The following PTPRT variants were observed in gnomAD, a reference collection of about 807,000 sequenced individuals.
PTPRT encodes the protein receptor-type tyrosine-protein phosphatase T.
PTPRT carries 56 observed loss-of-function variants against 176.8 expected under a neutral mutation model. The observed-to-expected ratio is 0.32, with a 90% CI of 0.26 to 0.40. The LOEUF is 0.40. Ranked by LOEUF, PTPRT falls within the 10% of genes least tolerant of loss-of-function variation. The pLI, the probability that PTPRT is intolerant of heterozygous loss-of-function variation, is 1.00. For missense variants in PTPRT, 1,540 were observed against 1,908.2 expected, an observed-to-expected ratio of 0.81 and a Z score of 3.60; for synonymous variants, 783 against 739.0, an observed-to-expected ratio of 1.06 and a Z score of -0.96.
intron 8 of PTPRT, among the ~76,000 whole-genome samples, chr20:42,453,151 T>C (rs1459282865): frequency 6.6e-6 from 1 of 152,224 alleles, no homozygotes; most frequent in African/African-American, 2.4e-5. Context: ...TCACTACCCA[T>C]GTATTCTTCC....
At position 42,102,130 on chromosome 20, in the gene PTPRT, C is replaced by T. The variant is rs1022904070; in HGVS notation, c.3708G>A (p.Leu1236=). The T allele has an allele frequency of 6.2e-7, 1 of 1,612,870 alleles. No individual in the cohort carries two copies. The highest frequency in any genetic ancestry group is 8.5e-7 in the Non-Finnish European group (1 of 1,179,128). ...CTGCCCGGGCTCGGCTTACATCCAT[C>T]AGTGCTGCGTTGATGTAATTGCTGG... ...GESSNYINAA[L]MDSHKQPAAF... is the part of the protein sequence containing the mutation. The change falls in exon 26 of 31, where the codon CTG becomes CTA. Residue 1236 remains leucine, a synonymous_variant. Transcript: ENST00000373187.
intron 2 of PTPRT, among the ~76,000 whole-genome samples, chr20:42,841,143 C>T (rs2078270831): frequency 6.6e-6 from 1 of 152,182 alleles, no homozygotes; most frequent in Admixed American, 6.5e-5. Context: ...TATCCCACCC[C>T]ATCCAGCTGC....
At chr20:42,576,219 C>A (rs1235041650) in intron 7 of PTPRT, among the ~76,000 whole-genome samples, 1 of 152,164 alleles carries the variant, frequency 6.6e-6, no homozygotes, top group Non-Finnish European at 1.5e-5. Context: ...TCCACCCTTC[C>A]CTCTCCTCAT....
chr20:43,129,343 G>T (rs1294883052), intron 1 of PTPRT, among the ~76,000 whole-genome samples: 1 of 152,158 alleles, frequency 6.6e-6, no homozygotes, highest in Non-Finnish European at 1.5e-5. Context: ...GACAAGAGTC[G>T]AATTGACAGG....
intron 1 of PTPRT, among the ~76,000 whole-genome samples, chr20:43,074,463 G>T (rs555371415): frequency 6.6e-6 from 1 of 152,052 alleles, no homozygotes; most frequent in Non-Finnish European, 1.5e-5. Context: ...CATTTAATTC[G>T]ACTCTGCAGG....
intron 11 of PTPRT, among the ~76,000 whole-genome samples, chr20:42,332,790 T>C (rs967775527): frequency 6.6e-6 from 1 of 152,204 alleles, no homozygotes; most frequent in Admixed American, 6.5e-5. Context: ...AGATCTTCAA[T>C]AATTAAAAAT....
intron 16 of PTPRT, among the ~76,000 whole-genome samples, chr20:42,179,970 G>T (rs1990446789): frequency 6.6e-6 from 1 of 152,190 alleles, no homozygotes; most frequent in South Asian, 2.1e-4. Flanking sequence ...GAAGATCAGG[G>T]TCAGCACCAA....
chr20:42,909,621 G>A (rs2079520004), intron 1 of PTPRT, among the ~76,000 whole-genome samples: 1 of 152,152 alleles, frequency 6.6e-6, no homozygotes, highest in African/African-American at 2.4e-5. Flanking sequence ...CTCTGGCAGT[G>A]ATGGATGTCC....
chr20:42,800,616 GTTACAT>G (rs1391863393), intron 2 of PTPRT, among the ~76,000 whole-genome samples: 1 of 152,050 alleles, frequency 6.6e-6, no homozygotes, highest in Non-Finnish European at 1.5e-5. Flanking sequence ...ATTTTGATTA[GTTACAT>G]TTATGCTCCA....
intron 7 of PTPRT, among the ~76,000 whole-genome samples, chr20:42,535,626 G>A (rs2072463252): frequency 6.6e-6 from 1 of 152,218 alleles, no homozygotes; most frequent in South Asian, 2.1e-4. Context: ...GCTACCATCA[G>A]TGCTAACTTT....
chr20:42,687,711 C>T (rs1217604861), intron 6 of PTPRT: 1 of 152,224 alleles, frequency 6.6e-6, no homozygotes, highest in African/African-American at 2.4e-5. Flanking sequence ...ACTCCCCTCC[C>T]CCACCTCAGC....
intron 8 of PTPRT, among the ~76,000 whole-genome samples, chr20:42,450,513 G>A (rs1004857385): frequency 6.6e-6 from 1 of 152,134 alleles, no homozygotes; most frequent in African/African-American, 2.4e-5. Flanking sequence ...TATACCTTGT[G>A]CTCATTTTCC....
intron 1 of PTPRT, among the ~76,000 whole-genome samples, chr20:43,040,243 T>TA (rs1206887594): frequency 6.6e-6 from 1 of 152,104 alleles, no homozygotes; most frequent in Non-Finnish European, 1.5e-5. Context: ...AGTAAGAAGA[T>TA]AAAAAAGACT....
At chr20:43,066,889 C>T (rs1199802960) in intron 1 of PTPRT, among the ~76,000 whole-genome samples, 1 of 152,206 alleles carries the variant, frequency 6.6e-6, no homozygotes, top group Non-Finnish European at 1.5e-5. Context: ...TTTTCTCTGG[C>T]ACTTTTTGTG....
chr20:42,409,115 T>A (rs1449291936), intron 9 of PTPRT, among the ~76,000 whole-genome samples: 1 of 152,184 alleles, frequency 6.6e-6, no homozygotes, highest in African/African-American at 2.4e-5. Flanking sequence ...AAACGTGGGC[T>A]TGTTATCCTG....
At chr20:42,697,268 T>A (rs1464541481) in intron 6 of PTPRT, among the ~76,000 whole-genome samples, 1 of 152,176 alleles carries the variant, frequency 6.6e-6, no homozygotes, top group Non-Finnish European at 1.5e-5. Context: ...CAGATAAACA[T>A]AAAAGGATAC....
intron 1 of PTPRT, among the ~76,000 whole-genome samples, chr20:43,147,752 G>C (rs2014213838): frequency 6.6e-6 from 1 of 152,140 alleles, no homozygotes; most frequent in African/African-American, 2.4e-5. Context: ...ACAGAGCCCA[G>C]AGCTGCTAGC....
chr20:42,957,145 G>C (rs575457750), intron 1 of PTPRT, among the ~76,000 whole-genome samples: 27 of 152,068 alleles, frequency 1.8e-4, no homozygotes, highest in Non-Finnish European at 3.4e-4. Flanking sequence ...GAGCATGCCG[G>C]AACTCCCCAG....
intron 1 of PTPRT, among the ~76,000 whole-genome samples, chr20:43,094,091 CTTTT>C (rs11478226): frequency 6.9e-5 from 9 of 130,690 alleles, no homozygotes; most frequent in East Asian, 2.2e-4. Flanking sequence ...TTCTTTCTTT[CTTTT>C]TTTTTTTTTT....
Sources: allele counts gnomAD v4.1 joint callset (sites outside exome capture counted in the v4.1 genomes callset), GRCh38; gene constraint gnomAD v4.1.1; transcripts MANE v1.5; gene names NCBI Gene and HGNC (gene_info 2026-07-23, HGNC 2026-07-21).